KIAA0825: variants seen among roughly 807,000 people sequenced by gnomAD.
The protein encoded by KIAA0825 is uncharacterized protein KIAA0825.
Under a neutral mutation model 147.6 loss-of-function variants are expected in KIAA0825, and 119 were observed. That is an observed-to-expected ratio of 0.81 (90% CI 0.69 to 0.94). The LOEUF (loss-of-function observed/expected upper bound fraction) is 0.94. Among genes scored for constraint, KIAA0825 ranks in the 40% least tolerant of loss-of-function variants. The probability of loss-of-function intolerance (pLI) is 0.00; values close to 1 mark genes in which losing one functional copy is unlikely to be tolerated. For synonymous variants in KIAA0825, 470 were observed against 518.1 expected (o/e 0.91, Z 1.26); for missense variants, 1,381 against 1,472.7 (o/e 0.94, Z 1.02).
rs574239400 is a variant in KIAA0825, at chr5:94,350,561, A to G, written c.3710+33807T>C. 2.0e-5 allele frequency among the ~76,000 whole-genome samples: 3 copies of G among 152,330 alleles called. No individual in the cohort carries two copies. The East Asian group carries it at 5.8e-4, about 29-fold the overall frequency. ...ATATTAGCTAACCGAATCCAACAAC[A>G]TATCAAAAAGATAATCCACCATGAT... is the stretch of plus-strand genomic sequence containing the variant. On this transcript the variant is annotated intron_variant, in intron 20 of 20. Transcript: ENST00000682413.
chr5:94,403,896 G>A, intron 15 of KIAA0825, 103 bp from the exon 16 acceptor site: 2 of 913,352 alleles, frequency 2.2e-6, no homozygotes, highest in South Asian at 3.5e-5. Flanking sequence ...TAAAGCTATA[G>A]GAAAGGAGAG....
chr5:94,583,375 C>T (rs1005205628), intron 1 of KIAA0825, among the ~76,000 whole-genome samples: 1 of 152,214 alleles, frequency 6.6e-6, no homozygotes, highest in Non-Finnish European at 1.5e-5. Context: ...GCTTGGTGGG[C>T]CCCACACCCA....
chr5:94,265,828 T>TA (rs1247575899), intron 20 of KIAA0825, among the ~76,000 whole-genome samples: 4 of 151,910 alleles, frequency 2.6e-5, no homozygotes, highest in Non-Finnish European at 5.9e-5. Context: ...AAACAAACCT[T>TA]AAAAAATAAA....
At chr5:94,400,724 T>C (rs1269165980) in intron 16 of KIAA0825, among the ~76,000 whole-genome samples, 2 of 152,154 alleles carry the variant, frequency 1.3e-5, no homozygotes, top group Non-Finnish European at 2.9e-5. Flanking sequence ...ATGAAACAAA[T>C]ATCTAAAAGC....
At chr5:94,485,866 T>G (rs979616302) in intron 5 of KIAA0825, among the ~76,000 whole-genome samples, 1 of 151,882 alleles carries the variant, frequency 6.6e-6, no homozygotes, top group Admixed American at 6.6e-5. Context: ...ACATAATTCA[T>G]GAAGTCATGT....
chr5:94,595,614 C>CGCAAATTT (rs1554054343), intron 1 of KIAA0825, among the ~76,000 whole-genome samples: 16 of 152,190 alleles, frequency 1.1e-4, no homozygotes, highest in Non-Finnish European at 2.4e-4. Context: ...TCGTTACTTA[C>CGCAAATTT]GCAAATTTCG....
chr5:94,158,309 A>C (rs1175321450), intron 20 of KIAA0825, among the ~76,000 whole-genome samples: 1 of 152,156 alleles, frequency 6.6e-6, no homozygotes, highest in African/African-American at 2.4e-5. Flanking sequence ...GTAAAGCCTA[A>C]AATATTTACT....
chr5:94,492,698 C>T lies in KIAA0825; in HGVS notation c.971-7768G>A, dbSNP rs187959698. Among the ~76,000 whole-genome samples, 38 of 152,272 alleles carry T rather than the reference C, an allele frequency of 2.5e-4. No individual in the cohort carries two copies. The East Asian group carries it at 4.4e-3, about 18-fold the overall frequency. On this transcript the variant is annotated intron_variant, in intron 5 of 20. Coordinates refer to ENST00000682413, the MANE Select transcript of KIAA0825 (RefSeq NM_001145678.3). Reference sequence around the variant, plus strand: ...TTAACTTATTTTAATTGGCTTTCTCCCCCTCCATTGTAAACATGCTTCTTT... The same window carrying T: ...TTAACTTATTTTAATTGGCTTTCTCTCCCTCCATTGTAAACATGCTTCTTT...
intron 15 of KIAA0825, among the ~76,000 whole-genome samples, chr5:94,407,197 C>T (rs148823294): frequency 6.6e-6 from 1 of 152,212 alleles, no homozygotes; most frequent in African/African-American, 2.4e-5. Context: ...ACCAAGAAAG[C>T]CCTGAGAAAG....
intron 1 of KIAA0825, chr5:94,594,908 A>C: frequency 6.9e-6 from 2 of 289,590 alleles, no homozygotes; most frequent in Non-Finnish European, 1.3e-5. Flanking sequence ...CTCCAAAATA[A>C]TCTTCTTTGA....
chr5:94,377,288 G>A (rs1747721834), intron 20 of KIAA0825, among the ~76,000 whole-genome samples: 2 of 152,182 alleles, frequency 1.3e-5, no homozygotes, highest in Admixed American at 1.3e-4. Context: ...CTCATATGCA[G>A]TATATTCAGA....
intron 20 of KIAA0825, among the ~76,000 whole-genome samples, chr5:94,334,098 C>T (rs376202227): frequency 1.3e-5 from 2 of 152,144 alleles, no homozygotes; most frequent in African/African-American, 2.4e-5. Flanking sequence ...TTAGAAGGAA[C>T]TTTCTTAACC....
intron 14 of KIAA0825, among the ~76,000 whole-genome samples, chr5:94,418,863 A>G (rs565876523): frequency 2.0e-5 from 3 of 151,990 alleles, no homozygotes; most frequent in African/African-American, 7.2e-5. Flanking sequence ...GAGCTGACAA[A>G]TTCAGCCCTC....
chr5:94,266,833 C>A (rs1392978774), intron 20 of KIAA0825, among the ~76,000 whole-genome samples: 3 of 151,932 alleles, frequency 2.0e-5, no homozygotes, highest in African/African-American at 4.8e-5. Context: ...GTTTTAATTT[C>A]TAAAATGATA....
chr5:94,542,231 C>G (rs899096513), intron 2 of KIAA0825, among the ~76,000 whole-genome samples: 4 of 152,184 alleles, frequency 2.6e-5, no homozygotes, highest in African/African-American at 9.7e-5. Flanking sequence ...ATGTTCATGA[C>G]TATCAAACAC....
intron 20 of KIAA0825, among the ~76,000 whole-genome samples, chr5:94,248,928 A>G (rs182033308): frequency 9.8e-5 from 15 of 152,294 alleles, no homozygotes; most frequent in Non-Finnish European, 2.2e-4. Context: ...ATGGTTGCAT[A>G]TAGGCAATTT....
At chr5:94,570,763 C>T (rs1016066363) in intron 2 of KIAA0825, 1 of 152,214 alleles carries the variant, frequency 6.6e-6, no homozygotes, top group Non-Finnish European at 1.5e-5. Context: ...AGAAAAAGTA[C>T]TTGACTTCAC....
In KIAA0825 at chr5:94,330,024, G is replaced by T. The variant is rs141396512; in HGVS notation, c.3710+54344C>A. Reference sequence around the variant, plus strand: ...ATTTAATGTTTGATAGCAAAGTAGGGTGACTATACTCAACAAAAATGTAGT... The same window carrying T: ...ATTTAATGTTTGATAGCAAAGTAGGTTGACTATACTCAACAAAAATGTAGT... On this transcript the variant is annotated intron_variant, in intron 20 of 20. Coordinates refer to ENST00000682413, the MANE Select transcript of KIAA0825 (RefSeq NM_001145678.3). Among the ~76,000 whole-genome samples, 317 of 151,882 alleles carry T rather than the reference G, an allele frequency of 2.1e-3. 2 individuals are homozygous for T. The highest frequency in any genetic ancestry group is 7.5e-3 in the African/African-American group (310 of 41,226).
chr5:94,221,840 T>G (rs896146623), intron 20 of KIAA0825, among the ~76,000 whole-genome samples: 3 of 152,142 alleles, frequency 2.0e-5, no homozygotes, highest in African/African-American at 7.2e-5. Context: ...TTTTCTTTGG[T>G]GAAATCTATT....
Sources: allele counts gnomAD v4.1 joint callset (sites outside exome capture counted in the v4.1 genomes callset), GRCh38; gene constraint gnomAD v4.1.1; transcripts MANE v1.5; gene names NCBI Gene and HGNC (gene_info 2026-07-23, HGNC 2026-07-21).